Variants in SDK1 observed in about 807,000 individuals in gnomAD.
The protein encoded by SDK1 is protein sidekick-1.
A neutral mutation model predicts 245.5 loss-of-function variants in SDK1; 157 were observed. That is an observed-to-expected ratio of 0.64 (90% CI 0.56 to 0.73). The LOEUF is 0.73. Ranked by LOEUF, SDK1 falls within the 30% of genes least tolerant of loss-of-function variation. The pLI, the probability that SDK1 is intolerant of heterozygous loss-of-function variation, is 0.00. For synonymous variants in SDK1, 1,647 were observed against 1,278.5 expected, an observed-to-expected ratio of 1.29 and a Z score of -6.15; for missense variants, 3,583 against 3,002.3, an observed-to-expected ratio of 1.19 and a Z score of -4.52.
At position 3,823,740 on chromosome 7, in the gene SDK1, T is replaced by G. The variant is rs183440731; in HGVS notation, c.847+2157T>G. ...GTGTAAAAAGTGAGATACAAGGCAGTTGATGATATGGACTTATTTTAAATC... is the reference window on the plus strand; with the variant it reads ...GTGTAAAAAGTGAGATACAAGGCAGGTGATGATATGGACTTATTTTAAATC... On this transcript the variant is annotated intron_variant, in intron 5 of 44. Transcript: ENST00000404826. Among the ~76,000 whole-genome samples, 9 of 152,318 alleles carry G rather than the reference T, an allele frequency of 5.9e-5. No homozygotes were observed. The East Asian group carries it at 1.7e-3, about 29-fold the overall frequency.
At chr7:4,112,426 G>T (rs947007575) in intron 23 of SDK1, among the ~76,000 whole-genome samples, 1 of 152,154 alleles carries the variant, frequency 6.6e-6, no homozygotes, top group Non-Finnish European at 1.5e-5. Flanking sequence ...GTGATTTGGG[G>T]TTCAAGATAT....
At chr7:3,524,826 G>C (rs1448822605) in intron 1 of SDK1, among the ~76,000 whole-genome samples, 4 of 152,106 alleles carry the variant, frequency 2.6e-5, no homozygotes, top group Non-Finnish European at 5.9e-5. Flanking sequence ...AAATTGGAGG[G>C]TCATCAATCT....
At chr7:4,056,563 G>A (rs1175504129) in intron 19 of SDK1, among the ~76,000 whole-genome samples, 4 of 152,078 alleles carry the variant, frequency 2.6e-5, no homozygotes, top group Non-Finnish European at 5.9e-5. Flanking sequence ...CCCCACTGTG[G>A]GAAAAGGGAA....
At chr7:4,164,620 A>C (rs1781381638) in intron 32 of SDK1, among the ~76,000 whole-genome samples, 1 of 152,202 alleles carries the variant, frequency 6.6e-6, no homozygotes, top group Non-Finnish European at 1.5e-5. Flanking sequence ...TACCTTACCT[A>C]GGTAAGCTCC....
chr7:4,200,950 A>T (rs1200218276), intron 35 of SDK1, among the ~76,000 whole-genome samples: 1 of 152,250 alleles, frequency 6.6e-6, no homozygotes, highest in Non-Finnish European at 1.5e-5. Context: ...TACCATAGGA[A>T]GGCAGAGTTG....
At chr7:3,792,894 G>A (rs1017612737) in intron 4 of SDK1, among the ~76,000 whole-genome samples, 3 of 152,148 alleles carry the variant, frequency 2.0e-5, no homozygotes, top group African/African-American at 4.8e-5. Flanking sequence ...TAGCACTGGC[G>A]TTTTAACATA....
intron 22 of SDK1, among the ~76,000 whole-genome samples, chr7:4,089,939 G>C (rs1450461163): frequency 1.3e-5 from 2 of 152,138 alleles, no homozygotes; most frequent in Non-Finnish European, 2.9e-5. Flanking sequence ...GTTATTTCTT[G>C]ACTTCTGTGA....
intron 4 of SDK1, among the ~76,000 whole-genome samples, chr7:3,741,715 C>T (rs2051917): frequency 1.3e-5 from 2 of 152,044 alleles, no homozygotes; most frequent in South Asian, 4.1e-4. Flanking sequence ...CAAAGAAAGA[C>T]AGGAACTATT....
chr7:4,118,293 A>T (rs906536738), intron 25 of SDK1, among the ~76,000 whole-genome samples: 5 of 152,198 alleles, frequency 3.3e-5, no homozygotes, highest in African/African-American at 1.2e-4. Context: ...TCCCAAGGAG[A>T]TTTACAAATG....
intron 1 of SDK1, among the ~76,000 whole-genome samples, chr7:3,310,711 A>G (rs1368024998): frequency 1.3e-5 from 2 of 152,178 alleles, no homozygotes; most frequent in Non-Finnish European, 2.9e-5. Flanking sequence ...GAATTTTGCA[A>G]CCAGAGGAGG....
intron 22 of SDK1, among the ~76,000 whole-genome samples, chr7:4,081,117 AG>A (rs1413226909): frequency 6.6e-6 from 1 of 152,318 alleles, no homozygotes; most frequent in East Asian, 1.9e-4. Context: ...CGCTCTCTGC[AG>A]GCTTTAGAAT....
intron 4 of SDK1, among the ~76,000 whole-genome samples, chr7:3,720,006 C>G (rs983798990): frequency 2.0e-5 from 3 of 151,034 alleles, no homozygotes; most frequent in African/African-American, 7.3e-5. Context: ...AAAAGGAAAA[C>G]TCAGAGTATC....
At chr7:3,461,037 C>T (rs367987425) in intron 1 of SDK1, among the ~76,000 whole-genome samples, 8 of 152,112 alleles carry the variant, frequency 5.3e-5, no homozygotes, top group African/African-American at 1.2e-4. Flanking sequence ...ACAGATTTAA[C>T]GGGATTTTAC....
chr7:3,437,567 T>G (rs1780065280), intron 1 of SDK1, among the ~76,000 whole-genome samples: 1 of 151,544 alleles, frequency 6.6e-6, no homozygotes, highest in Non-Finnish European at 1.5e-5. Context: ...AGGTCAGGAG[T>G]TTGAGATCAG....
chr7:3,949,617 T>C (rs1279416712), intron 5 of SDK1, among the ~76,000 whole-genome samples: 3 of 152,228 alleles, frequency 2.0e-5, no homozygotes, highest in Non-Finnish European at 2.9e-5. Context: ...CCGCCCTTTA[T>C]TGAAATCCCT....
At chr7:3,808,275 C>A (rs1779300226) in intron 4 of SDK1, among the ~76,000 whole-genome samples, 1 of 152,106 alleles carries the variant, frequency 6.6e-6, no homozygotes, top group Non-Finnish European at 1.5e-5. Flanking sequence ...AGCATGGTGC[C>A]CCTTCTGAGA....
chr7:4,141,494 GA>G (rs1779580657), intron 28 of SDK1, among the ~76,000 whole-genome samples: 1 of 152,234 alleles, frequency 6.6e-6, no homozygotes, highest in African/African-American at 2.4e-5. Context: ...CCCTGCTCCT[GA>G]AAGTAAATAA....
At position 3,301,732 on chromosome 7, in the gene SDK1, C is replaced by G; in HGVS notation, c.146C>G (p.Ser49Trp). Residue 49 changes from serine (S) to tryptophan (W), a missense_variant, in exon 1 of 45, where the codon TCG becomes TGG. Physicochemically the swap from Ser to Trp is radical, Grantham distance 177. Transcript: ENST00000404826. ...GCGCCGCGCCCCGGCCCGGAGCCCTCGCGACCCCGGGCGGCGCCCGAGACC... is the reference window on the plus strand; with the variant it reads ...GCGCCGCGCCCCGGCCCGGAGCCCTGGCGACCCCGGGCGGCGCCCGAGACC... Reference protein sequence around the residue: ...SLAPRPGPEPSRPRAAPETSG... With the variant: ...SLAPRPGPEPWRPRAAPETSG... 1.0e-6 allele frequency: 1 copy of G among 978,012 alleles called. No individual in the cohort carries two copies. Among genetic ancestry groups the G allele is most frequent in the Non-Finnish European group, 1.2e-6 (1 of 826,780 alleles). 60.6% of individuals were successfully genotyped at this position (978,012 alleles called of 1,614,324 possible).
At chr7:3,806,594 T>G (rs1250626746) in intron 4 of SDK1, among the ~76,000 whole-genome samples, 1 of 152,246 alleles carries the variant, frequency 6.6e-6, no homozygotes, top group Admixed American at 6.5e-5. Flanking sequence ...TTCATTTGAA[T>G]CATTTTGCAC....
Sources: allele counts gnomAD v4.1 joint callset (sites outside exome capture counted in the v4.1 genomes callset), GRCh38; gene constraint gnomAD v4.1.1; transcripts MANE v1.5; gene names NCBI Gene and HGNC (gene_info 2026-07-23, HGNC 2026-07-21).